EIF4B: variants seen among roughly 807,000 people sequenced by gnomAD.
The protein encoded by EIF4B is eukaryotic translation initiation factor 4B.
A neutral mutation model predicts 79.3 loss-of-function variants in EIF4B; 8 were observed. That is an observed-to-expected ratio of 0.10 (90% CI 0.06 to 0.18). The LOEUF (loss-of-function observed/expected upper bound fraction) is 0.18, where lower values mean the gene tolerates loss of function less well. Ranked by LOEUF, EIF4B falls within the 10% of genes least tolerant of loss-of-function variation. The probability of loss-of-function intolerance (pLI) is 1.00; values close to 1 mark genes in which losing one functional copy is unlikely to be tolerated. For synonymous variants in EIF4B, 238 were observed against 274.7 expected, an observed-to-expected ratio of 0.87 and a Z score of 1.32; for missense variants, 515 against 792.4, an observed-to-expected ratio of 0.65 and a Z score of 4.20.
At chr12:53,039,214 T>G in intron 12 of EIF4B, 24 bp from the exon 13 acceptor site, 2 of 1,524,464 alleles carry the variant, frequency 1.3e-6, no homozygotes. Flanking sequence ...TGCCTTTAAT[T>G]TGTTTACATT....
intron 1 of EIF4B, chr12:53,014,643 GT>G (rs1187574850): frequency 1.3e-5 from 2 of 152,154 alleles, no homozygotes; most frequent in African/African-American, 4.8e-5. Flanking sequence ...TAGCAAACTG[GT>G]TACCTTTATT....
intron 2 of EIF4B, 144 bp downstream of exon 2, chr12:53,016,754 A>C: frequency 8.0e-7 from 1 of 1,250,192 alleles, no homozygotes; most frequent in Non-Finnish European, 1.1e-6. Context: ...ATAGAATCTA[A>C]GGTTTAATCT....
At chr12:53,007,599 C>T (rs1451910653) in intron 1 of EIF4B, among the ~76,000 whole-genome samples, 1 of 151,842 alleles carries the variant, frequency 6.6e-6, no homozygotes, top group East Asian at 1.9e-4. Flanking sequence ...CAGTGATGAC[C>T]CAACATCTTG....
chr12:53,037,994 G>A lies in EIF4B; in HGVS notation c.1521-362G>A, dbSNP rs1012156745. 40 of 268,768 alleles carry A rather than the reference G, an allele frequency of 1.5e-4. 1 individual carries two copies. The highest frequency in any genetic ancestry group is 1.2e-3 in the South Asian group (23 of 19,732). The allele number at this position is 268,768 out of a possible 1,614,324, so 16.6% of individuals were successfully genotyped here. ...CACTATTAGCCTGGCGTGGTGGCAG[G>A]TACCTGTAATCCCAGCTACTCGGGA... On this transcript the variant is annotated intron_variant, in intron 11 of 14. Coordinates refer to ENST00000262056, the MANE Select transcript of EIF4B (RefSeq NM_001417.7).
chr12:53,033,334 CT>C (rs11455422), intron 8 of EIF4B, among the ~76,000 whole-genome samples: 3 of 142,322 alleles, frequency 2.1e-5, no homozygotes, highest in African/African-American at 5.2e-5. Flanking sequence ...TACCTATTTT[CT>C]TTTTTTTTTT....
chr12:53,017,072 G>A (rs1054027406), intron 2 of EIF4B, among the ~76,000 whole-genome samples: 1 of 152,108 alleles, frequency 6.6e-6, no homozygotes, highest in African/African-American at 2.4e-5. Context: ...GGCCAACATG[G>A]TGAAAACCCA....
chr12:53,024,971 TG>T (rs899532391), intron 6 of EIF4B, among the ~76,000 whole-genome samples: 5 of 152,274 alleles, frequency 3.3e-5, no homozygotes, highest in African/African-American at 1.2e-4. Context: ...ATTTTAATTT[TG>T]TGAGGTACCT....
chr12:53,032,669 GTT>G (rs779279397), intron 8 of EIF4B, among the ~76,000 whole-genome samples: 2 of 132,244 alleles, frequency 1.5e-5, no homozygotes, highest in Non-Finnish European at 1.6e-5. Context: ...GGGTTTTTTT[GTT>G]TTTTTTTTTT....
At chr12:53,023,708 C>T (rs912139661) in intron 6 of EIF4B, among the ~76,000 whole-genome samples, 1 of 151,392 alleles carries the variant, frequency 6.6e-6, no homozygotes, top group African/African-American at 2.4e-5. Context: ...CTCAGCCTCC[C>T]GAGTAGCTGG....
chr12:53,021,417 G>GC (rs1943245382), intron 4 of EIF4B, among the ~76,000 whole-genome samples: 1 of 152,202 alleles, frequency 6.6e-6, no homozygotes, highest in Non-Finnish European at 1.5e-5. Context: ...GTAGGTACAT[G>GC]CCACTGCACC....
intron 10 of EIF4B, among the ~76,000 whole-genome samples, 168 bp from the exon 11 acceptor site, chr12:53,037,241 A>G (rs1052122296): frequency 6.6e-6 from 1 of 152,200 alleles, no homozygotes; most frequent in Non-Finnish European, 1.5e-5. Context: ...TTCTCTGTGC[A>G]TCAGTAAGAC....
chr12:53,025,049 A>G (rs1943311816), intron 6 of EIF4B, among the ~76,000 whole-genome samples: 1 of 152,160 alleles, frequency 6.6e-6, no homozygotes, highest in South Asian at 2.1e-4. Context: ...TTTAGAGGAG[A>G]GTCCTTAACC....
chr12:53,037,049 G>T (rs1432518989), intron 10 of EIF4B, among the ~76,000 whole-genome samples: 1 of 152,212 alleles, frequency 6.6e-6, no homozygotes, highest in Non-Finnish European at 1.5e-5. Flanking sequence ...TTAAGCTGAA[G>T]TTGAGCAGTG....
At chr12:53,039,138 T>C in intron 12 of EIF4B, 100 bp from the exon 13 acceptor site, 5 of 839,804 alleles carry the variant, frequency 6.0e-6, no homozygotes, top group Non-Finnish European at 9.5e-6. Flanking sequence ...TTTCCCTCAG[T>C]ACATGTGGGC....
intron 6 of EIF4B, among the ~76,000 whole-genome samples, chr12:53,023,178 C>G (rs749398901): frequency 6.6e-6 from 1 of 152,062 alleles, no homozygotes; most frequent in Non-Finnish European, 1.5e-5. Context: ...AATAAGAGTT[C>G]AGCATGATTG....
At chr12:53,033,691 C>T (rs953640581) in intron 8 of EIF4B, 115 bp from the exon 9 acceptor site, 4 of 1,169,018 alleles carry the variant, frequency 3.4e-6, no homozygotes, top group Admixed American at 5.7e-5. Context: ...ATTGGTTAGG[C>T]CACTAACTTG....
intron 8 of EIF4B, among the ~76,000 whole-genome samples, chr12:53,028,905 C>G (rs1375655419): frequency 6.6e-6 from 1 of 152,032 alleles, no homozygotes; most frequent in Non-Finnish European, 1.5e-5. Context: ...GTGGGCAGAT[C>G]ATTTGAGGTC....
At chr12:53,030,712 A>G (rs1356339907) in intron 8 of EIF4B, among the ~76,000 whole-genome samples, 1 of 151,994 alleles carries the variant, frequency 6.6e-6, no homozygotes. Context: ...GCCCAGTGAA[A>G]AAACTACGTT....
At chr12:53,019,435 A>ATTTTTTTTTTTTT (rs759250282) in intron 3 of EIF4B, among the ~76,000 whole-genome samples, 1 of 39,450 alleles carries the variant, frequency 2.5e-5, no homozygotes, top group Non-Finnish European at 6.1e-5. Context: ...ATATATATAT[A>ATTTTTTTTTTTTT]TATTTTTTTT....
Sources: gnomAD v4.1 joint callset for allele counts (sites outside exome capture counted in the v4.1 genomes callset) on GRCh38, gnomAD v4.1.1 for gene constraint, MANE v1.5 for transcripts, NCBI Gene and HGNC (gene_info 2026-07-23, HGNC 2026-07-21) for gene names.